Variants in CHST11 observed in about 807,000 individuals in gnomAD.
The protein encoded by CHST11 is carbohydrate sulfotransferase 11, also known as C4S-1.
In CHST11, 9 loss-of-function variants were observed where a neutral mutation model predicts 30.4. The observed-to-expected ratio is 0.30, with a 90% confidence interval of 0.18 to 0.52. CHST11 has a LOEUF of 0.52. CHST11 is among the 20% of genes least tolerant of loss of function. The probability of loss-of-function intolerance (pLI) is 0.97; values close to 1 mark genes in which losing one functional copy is unlikely to be tolerated. For missense variants in CHST11, 348 were observed against 460.6 expected (o/e 0.76, Z 2.24); for synonymous variants, 152 against 187.8 (o/e 0.81, Z 1.56).
At chr12:104,594,317 G>A (rs932055164) in intron 1 of CHST11, among the ~76,000 whole-genome samples, 1 of 152,150 alleles carries the variant, frequency 6.6e-6, no homozygotes, top group Non-Finnish European at 1.5e-5. Context: ...CCAAACATGA[G>A]TTTGGATTCA....
chr12:104,737,351 A>G (rs2040309689), intron 2 of CHST11, among the ~76,000 whole-genome samples: 1 of 152,182 alleles, frequency 6.6e-6, no homozygotes, highest in Non-Finnish European at 1.5e-5. Flanking sequence ...GGGCCTCACC[A>G]CTTGCAAGGC....
intron 2 of CHST11, among the ~76,000 whole-genome samples, chr12:104,718,075 G>A (rs926116204): frequency 6.6e-6 from 1 of 152,214 alleles, no homozygotes; most frequent in African/African-American, 2.4e-5. Flanking sequence ...ATTCAGCAGC[G>A]GCCCCACTCC....
intron 2 of CHST11, among the ~76,000 whole-genome samples, chr12:104,738,802 A>G (rs1395173324): frequency 2.0e-5 from 3 of 152,348 alleles, no homozygotes; most frequent in South Asian, 2.1e-4. Context: ...CTGCATTGCC[A>G]TCTTTTCTGT....
chr12:104,719,888 A>G (rs1351871517), intron 2 of CHST11, among the ~76,000 whole-genome samples: 2 of 152,166 alleles, frequency 1.3e-5, no homozygotes, highest in African/African-American at 4.8e-5. Context: ...CTACGTAACA[A>G]TCCAGGCCAT....
rs564463875 is a variant in CHST11, at chr12:104,720,137, A to G, written c.205-36812A>G. Among the ~76,000 whole-genome samples, 21 of 152,360 alleles carry G rather than the reference A, an allele frequency of 1.4e-4. No homozygotes were observed. In the South Asian group the frequency reaches 1.4e-3, roughly 11 times the overall value. On this transcript the variant is annotated intron_variant, in intron 2 of 2. Transcript: ENST00000303694. ...ATTGCTGGCGGCATCCGGAGCCCCA[A>G]GAAGCACGCTTCCTCCTGAAACACT...
In CHST11 at chr12:104,733,774, A is replaced by G. The variant is rs903195403; in HGVS notation, c.205-23175A>G. ...GCAGAACCAGATTCAACCCAGGGAG[A>G]TTGGTTGGCTGCACTGATCTTATCT... On this transcript the variant is annotated intron_variant, in intron 2 of 2. Coordinates refer to ENST00000303694, the MANE Select transcript of CHST11 (RefSeq NM_018413.6). Among the ~76,000 whole-genome samples the G allele has an allele frequency of 1.2e-4, 18 of 152,304 alleles. 1 individual carries two copies. Among genetic ancestry groups the G allele is most frequent in the Admixed American group, 8.5e-4 (13 of 15,308 alleles).
intron 1 of CHST11, chr12:104,552,646 A>T (rs2038415994): frequency 6.6e-6 from 1 of 151,998 alleles, no homozygotes; most frequent in South Asian, 2.1e-4. Flanking sequence ...TTTCATTCCT[A>T]TCTCAGCAAA....
At chr12:104,489,283 T>C (rs920796301) in intron 1 of CHST11, among the ~76,000 whole-genome samples, 2 of 152,188 alleles carry the variant, frequency 1.3e-5, no homozygotes, top group Middle Eastern at 3.4e-3. Flanking sequence ...GTGATCTGCC[T>C]GCCTCGGCCT....
intron 1 of CHST11, among the ~76,000 whole-genome samples, chr12:104,504,422 G>A (rs374317582): frequency 7.2e-5 from 11 of 152,200 alleles, no homozygotes; most frequent in African/African-American, 2.4e-4. Flanking sequence ...CTGTTTCTTC[G>A]ATGTCACCTC....
At chr12:104,720,358 G>C (rs528105417) in intron 2 of CHST11, among the ~76,000 whole-genome samples, 1 of 152,250 alleles carries the variant, frequency 6.6e-6, no homozygotes, top group Non-Finnish European at 1.5e-5. Context: ...CCTCACGATC[G>C]TGAGAGGCAG....
intron 2 of CHST11, among the ~76,000 whole-genome samples, chr12:104,604,531 A>T (rs551392657): frequency 6.6e-6 from 1 of 152,172 alleles, no homozygotes; most frequent in South Asian, 2.1e-4. Context: ...TGGGCCAGGG[A>T]GTTGAGGAGA....
chr12:104,644,198 G>T (rs565817763), intron 2 of CHST11, among the ~76,000 whole-genome samples: 1 of 152,056 alleles, frequency 6.6e-6, no homozygotes, highest in Non-Finnish European at 1.5e-5. Flanking sequence ...CCCTCCCAGC[G>T]TGCACCTCCT....
intron 1 of CHST11, among the ~76,000 whole-genome samples, chr12:104,489,008 T>C (rs775508409): frequency 5.9e-5 from 9 of 152,102 alleles, no homozygotes; most frequent in Non-Finnish European, 1.3e-4. Context: ...CTGATGTCTC[T>C]TTCTGTGTCC....
At chr12:104,544,125 T>TAAA (rs60776273) in intron 1 of CHST11, among the ~76,000 whole-genome samples, 1 of 97,394 alleles carries the variant, frequency 1.0e-5, no homozygotes, top group African/African-American at 4.3e-5. Flanking sequence ...CCCTGTCTGT[T>TAAA]AAAAAAAAAA....
At chr12:104,728,060 A>G (rs574264775) in intron 2 of CHST11, among the ~76,000 whole-genome samples, 1 of 152,308 alleles carries the variant, frequency 6.6e-6, no homozygotes, top group East Asian at 1.9e-4. Flanking sequence ...GATGTTAAAA[A>G]CAATGTCAGC....
At chr12:104,519,565 G>A (rs776825155) in intron 1 of CHST11, among the ~76,000 whole-genome samples, 1 of 152,028 alleles carries the variant, frequency 6.6e-6, no homozygotes, top group Non-Finnish European at 1.5e-5. Context: ...TGAGATGAAC[G>A]CCTTTCTCTT....
intron 1 of CHST11, among the ~76,000 whole-genome samples, chr12:104,570,786 G>A (rs1463084367): frequency 2.0e-5 from 3 of 150,296 alleles, no homozygotes; most frequent in Non-Finnish European, 4.4e-5. Flanking sequence ...TCCCTCCCAA[G>A]TGCAAGTGAA....
intron 2 of CHST11, among the ~76,000 whole-genome samples, chr12:104,689,809 C>G (rs1474546280): frequency 6.6e-6 from 1 of 152,150 alleles, no homozygotes; most frequent in East Asian, 1.9e-4. Flanking sequence ...CTCTCCTTCC[C>G]CCTCCCAATA....
At chr12:104,548,452 G>C (rs1483559676) in intron 1 of CHST11, among the ~76,000 whole-genome samples, 2 of 152,112 alleles carry the variant, frequency 1.3e-5, no homozygotes, top group African/African-American at 4.8e-5. Flanking sequence ...TTGTGAGTTG[G>C]TACAATCCAG....
Sources: allele counts gnomAD v4.1 joint callset (sites outside exome capture counted in the v4.1 genomes callset), GRCh38; gene constraint gnomAD v4.1.1; transcripts MANE v1.5; gene names NCBI Gene and HGNC (gene_info 2026-07-23, HGNC 2026-07-21).